The following TBC1D22A variants were observed in gnomAD, a reference collection of about 807,000 sequenced individuals.
TBC1D22A encodes the protein putative GTPase activator.
Under a neutral mutation model 60.2 loss-of-function variants are expected in TBC1D22A, and 38 were observed. The ratio of observed to expected loss-of-function variants is 0.63; its 90% CI spans 0.49 to 0.83. TBC1D22A has a LOEUF of 0.83. Among genes scored for constraint, TBC1D22A ranks in the 40% least tolerant of loss-of-function variants. The pLI is 0.00. For missense variants in TBC1D22A, 628 were observed against 701.0 expected (o/e 0.90, Z 1.18); for synonymous variants, 302 against 281.7 (o/e 1.07, Z -0.72).
intron 8 of TBC1D22A, among the ~76,000 whole-genome samples, chr22:46,970,115 T>C (rs1387325642): frequency 6.6e-6 from 1 of 152,014 alleles, no homozygotes; most frequent in Non-Finnish European, 1.5e-5. Context: ...ACCCACCTCC[T>C]GGAATCCAGC....
intron 9 of TBC1D22A, among the ~76,000 whole-genome samples, chr22:46,985,721 C>T (rs1041607253): frequency 1.3e-5 from 2 of 152,186 alleles, no homozygotes; most frequent in Non-Finnish European, 2.9e-5. Context: ...TGTGAACACT[C>T]ATGTCCACAT....
At chr22:46,991,813 G>C (rs1410181318) in intron 9 of TBC1D22A, among the ~76,000 whole-genome samples, 1 of 152,182 alleles carries the variant, frequency 6.6e-6, no homozygotes, top group African/African-American at 2.4e-5. Context: ...GCCGCAGCTT[G>C]CTCGCTGCCC....
intron 10 of TBC1D22A, among the ~76,000 whole-genome samples, chr22:47,025,589 A>G (rs542252399): frequency 2.0e-5 from 3 of 152,370 alleles, no homozygotes; most frequent in South Asian, 4.1e-4. Context: ...TGTGGGATGC[A>G]AAAGAGCAGT....
chr22:47,018,345 A>C (rs6009103), intron 10 of TBC1D22A, among the ~76,000 whole-genome samples: 16,345 of 152,234 alleles, frequency 0.11, 2,254 homozygotes, highest in African/African-American at 0.32. Flanking sequence ...GTCTCATTCT[A>C]GTTTTTGTCC....
rs77453128 is a variant in TBC1D22A at position 47,083,931 on chromosome 22, G to T, written c.1330-27577G>T. ...CCAGAAGCCCCAGGCATGCGGAAAT[G>T]CAAAGGATTCAAGTTAATAAAATTT... On this transcript the variant is annotated intron_variant, in intron 11 of 12. Transcript: ENST00000337137. Among the ~76,000 whole-genome samples, 742 of 152,328 alleles carry T rather than the reference G, an allele frequency of 4.9e-3. 11 individuals are homozygous for T. The highest frequency in any genetic ancestry group is 0.017 in the African/African-American group (711 of 41,576).
chr22:46,924,370 C>T (rs1239045275), intron 8 of TBC1D22A, among the ~76,000 whole-genome samples: 1 of 152,216 alleles, frequency 6.6e-6, no homozygotes, highest in Non-Finnish European at 1.5e-5. Context: ...ATCTAATTGA[C>T]TTGATTTTCT....
intron 1 of TBC1D22A, chr22:46,774,210 G>C (rs992217535): frequency 1.0e-6 from 1 of 985,568 alleles, no homozygotes; most frequent in Non-Finnish European, 1.2e-6. Flanking sequence ...TGCTGTGCTC[G>C]GCAGCAGAGA....
At chr22:46,823,312 A>G (rs1255717363) in intron 4 of TBC1D22A, among the ~76,000 whole-genome samples, 1 of 152,222 alleles carries the variant, frequency 6.6e-6, no homozygotes, top group African/African-American at 2.4e-5. Flanking sequence ...TATATACATA[A>G]TGCACGTTTA....
At chr22:46,955,094 A>T (rs752767932) in intron 8 of TBC1D22A, among the ~76,000 whole-genome samples, 1 of 152,204 alleles carries the variant, frequency 6.6e-6, no homozygotes, top group African/African-American at 2.4e-5. Context: ...AACAGTGTTA[A>T]GGACAGGCCA....
At chr22:46,950,467 G>A (rs77741354) in intron 8 of TBC1D22A, among the ~76,000 whole-genome samples, 15 of 152,074 alleles carry the variant, frequency 9.9e-5, no homozygotes, top group Admixed American at 9.2e-4. Flanking sequence ...TTCTGCCCCC[G>A]TTTTGAGGTC....
intron 5 of TBC1D22A, among the ~76,000 whole-genome samples, chr22:46,886,354 G>A (rs4823578): frequency 0.59 from 89,586 of 152,026 alleles, 28,145 homozygotes; most frequent in Middle Eastern, 0.76. Flanking sequence ...TGGCAGCTAG[G>A]CTGTTCTGTG....
At chr22:47,022,741 G>A (rs1428403277) in intron 10 of TBC1D22A, among the ~76,000 whole-genome samples, 1 of 152,110 alleles carries the variant, frequency 6.6e-6, no homozygotes, top group Non-Finnish European at 1.5e-5. Flanking sequence ...AAGCAAGAAC[G>A]GAAAACTTTA....
At chr22:46,995,607 G>A (rs1250242902) in intron 9 of TBC1D22A, among the ~76,000 whole-genome samples, 2 of 152,278 alleles carry the variant, frequency 1.3e-5, no homozygotes, top group African/African-American at 2.4e-5. Flanking sequence ...CTGCTGGCCC[G>A]AAGGCAGTCG....
intron 11 of TBC1D22A, among the ~76,000 whole-genome samples, chr22:47,056,910 G>T (rs1175523874): frequency 1.3e-5 from 2 of 152,200 alleles, no homozygotes; most frequent in African/African-American, 2.4e-5. Context: ...AGATGCAGGG[G>T]TGTCTGACAT....
chr22:47,149,594 C>T (rs966431162), intron 12 of TBC1D22A, among the ~76,000 whole-genome samples: 3 of 152,188 alleles, frequency 2.0e-5, no homozygotes, highest in African/African-American at 7.2e-5. Flanking sequence ...GGAAGGGACA[C>T]GACCAAGGCC....
At chr22:46,815,229 C>T (rs2085544498) in intron 4 of TBC1D22A, among the ~76,000 whole-genome samples, 1 of 152,208 alleles carries the variant, frequency 6.6e-6, no homozygotes, top group Non-Finnish European at 1.5e-5. Context: ...ATGGCGTGAG[C>T]CCTGGGGCGA....
chr22:46,793,078 G>T (rs1049524382), intron 2 of TBC1D22A, among the ~76,000 whole-genome samples: 2 of 152,252 alleles, frequency 1.3e-5, no homozygotes, highest in African/African-American at 4.8e-5. Flanking sequence ...GTCCTATTTT[G>T]GGGGAATCTT....
chr22:46,913,582 C>T, intron 8 of TBC1D22A: 2 of 1,168,202 alleles, frequency 1.7e-6, no homozygotes, highest in Non-Finnish European at 2.1e-6. Context: ...GGAGAGGCTA[C>T]TCCTGAGGGT....
At chr22:46,875,090 C>T (rs888097462) in intron 4 of TBC1D22A, among the ~76,000 whole-genome samples, 2 of 152,186 alleles carry the variant, frequency 1.3e-5, no homozygotes, top group African/African-American at 4.8e-5. Flanking sequence ...CATACACCCA[C>T]AAAATGTATA....
Sources: allele counts gnomAD v4.1 joint callset (sites outside exome capture counted in the v4.1 genomes callset), GRCh38; gene constraint gnomAD v4.1.1; transcripts MANE v1.5; gene names NCBI Gene and HGNC (gene_info 2026-07-23, HGNC 2026-07-21).